The following ATP5MG variants were observed in gnomAD, a reference collection of about 807,000 sequenced individuals.
ATP5MG encodes the protein ATP synthase F(0) complex subunit g, mitochondrial.
ATP5MG carries 7 observed loss-of-function variants against 12.7 expected under a neutral mutation model. The observed-to-expected ratio is 0.55, with a 90% CI of 0.31 to 1.04. The LOEUF (loss-of-function observed/expected upper bound fraction) is 1.04, where lower values mean the gene tolerates loss of function less well. ATP5MG is among the 50% of genes least tolerant of loss of function. The pLI is 0.05. For synonymous variants in ATP5MG, 53 were observed against 48.2 expected (o/e 1.10, Z -0.41); for missense variants, 116 against 126.7 (o/e 0.92, Z 0.41).
At chr11:118,407,246 TTAC>T (rs1210989606) in intron 2 of ATP5MG, 149 bp downstream of exon 2, 2 of 1,183,980 alleles carry the variant, frequency 1.7e-6, no homozygotes, top group South Asian at 3.3e-5. Flanking sequence ...AGGAAGATAC[TTAC>T]TTTTCTAATT....
Position 118,409,293 on chromosome 11 carries a change from G to A in ATP5MG, c.*195G>A, listed in dbSNP as rs1555132697. The A allele has an allele frequency of 3.3e-6, 1 of 303,584 alleles. No homozygotes were observed. Among genetic ancestry groups the A allele is most frequent in the Non-Finnish European group, 6.1e-6 (1 of 164,176 alleles). 18.8% of individuals were successfully genotyped at this position (303,584 alleles called of 1,614,324 possible). On this transcript the variant is annotated 3_prime_UTR_variant, in exon 3 of 3. Coordinates refer to ENST00000300688, the MANE Select transcript of ATP5MG (RefSeq NM_006476.5). Reference sequence around the variant, plus strand: ...TTTAAACAACCCTAAATACACGTCTGTTTAGCCCGCAATTGGAAAGGATAT... The same window carrying A: ...TTTAAACAACCCTAAATACACGTCTATTTAGCCCGCAATTGGAAAGGATAT...
At chr11:118,407,201 A>AC in intron 2 of ATP5MG, 104 bp downstream of exon 2, 1 of 1,486,850 alleles carries the variant, frequency 6.7e-7, no homozygotes, top group African/African-American at 1.4e-5. Context: ...ATGAGGCTGA[A>AC]TCCAGCATAA....
intron 1 of ATP5MG, among the ~76,000 whole-genome samples, chr11:118,405,204 G>A (rs1247597132): frequency 6.6e-6 from 1 of 152,056 alleles, no homozygotes; most frequent in African/African-American, 2.4e-5. Flanking sequence ...CATTTGACAG[G>A]AATATAGATA....
chr11:118,406,877 T>C, intron 1 of ATP5MG, 60 bp from the exon 2 acceptor site: 1 of 1,542,044 alleles, frequency 6.5e-7, no homozygotes, highest in Non-Finnish European at 8.7e-7. Context: ...ACACATCTGC[T>C]TCTTTCGGTC....
intron 1 of ATP5MG, among the ~76,000 whole-genome samples, chr11:118,402,823 C>T (rs1487834897): frequency 1.3e-5 from 2 of 151,794 alleles, no homozygotes; most frequent in Non-Finnish European, 2.9e-5. Context: ...CCTCAGCCTC[C>T]TGAGTAGCTG....
Position 118,406,983 on chromosome 11 carries a change from C to A in ATP5MG, c.99C>A (p.Tyr33Ter), listed in dbSNP as rs782767043. ...SKPRLATFWY[Y>*]AKVELVPPTP... ...CTCGATTGGCCACATTTTGGTACTACGCCAAGGTTGAGCTGGTTCCTCCCA... is the reference window on the plus strand; with the variant it reads ...CTCGATTGGCCACATTTTGGTACTAAGCCAAGGTTGAGCTGGTTCCTCCCA... Residue 33 changes from tyrosine (Y) to a stop codon, truncating the protein, a stop_gained, in exon 2 of 3, where the codon TAC becomes TAA. Coordinates refer to ENST00000300688, the MANE Select transcript of ATP5MG (RefSeq NM_006476.5). LOFTEE classifies it high-confidence loss of function. The A allele has an allele frequency of 2.5e-6, 4 of 1,613,720 alleles. No homozygotes were observed. Among genetic ancestry groups the A allele is most frequent in the African/African-American group, 1.3e-5 (1 of 75,004 alleles).
In ATP5MG at chr11:118,407,039, G is replaced by A. The variant is rs1252774136; in HGVS notation, c.155G>A (p.Ser52Asn). The change falls in exon 2 of 3, where the codon AGC becomes AAC. Residue 52 changes from serine (S) to asparagine (N), a missense_variant. Ser to Asn is a conservative substitution (Grantham distance 46). Transcript: ENST00000300688. The stretch of plus-strand genomic sequence containing the variant: ...GCTGAGATCCCTAGAGCTATTCAGA[G>A]CCTGAAAAAAATAGTCAATAGTGCT... ...TPAEIPRAIQSLKKIVNSAQT... is the reference protein window; with the variant it reads ...TPAEIPRAIQNLKKIVNSAQT... 2.5e-6 allele frequency: 4 copies of A among 1,614,036 alleles called. No homozygotes were observed. Among genetic ancestry groups the A allele is most frequent in the Non-Finnish European group, 3.4e-6 (4 of 1,179,968 alleles).
chr11:118,407,323 A>G (rs1948981469), intron 2 of ATP5MG: 2 of 615,618 alleles, frequency 3.2e-6, no homozygotes, highest in Non-Finnish European at 5.1e-6. Context: ...TCTTAAACCT[A>G]GCAAAAAAGT....
intron 1 of ATP5MG, among the ~76,000 whole-genome samples, chr11:118,402,696 CTTTTTTT>C (rs782335353): frequency 7.8e-6 from 1 of 128,220 alleles, no homozygotes; most frequent in African/African-American, 2.9e-5. Flanking sequence ...TTCTTTCTTT[CTTTTTTT>C]TTTTTTTTTT....
chr11:118,408,368 T>C (rs1555132482), intron 2 of ATP5MG, among the ~76,000 whole-genome samples: 3 of 152,138 alleles, frequency 2.0e-5, no homozygotes, highest in African/African-American at 7.2e-5. Flanking sequence ...AAAGGTCCAG[T>C]TTTGTTATGG....
In ATP5MG at chr11:118,407,005, C is replaced by T; in HGVS notation, c.121C>T (p.Pro41Ser). The T allele has an allele frequency of 1.2e-6, 2 of 1,614,110 alleles. No individual in the cohort carries two copies. Among genetic ancestry groups the T allele is most frequent in the South Asian group, 1.1e-5 (1 of 91,062 alleles). Residue 41 changes from proline to serine, a missense_variant, in exon 2 of 3, where the codon CCC (proline) becomes TCC (serine). Pro to Ser is a moderately conservative substitution (Grantham distance 74, BLOSUM62 -1). Transcript: ENST00000300688. Reference sequence around the variant, plus strand: ...CTACGCCAAGGTTGAGCTGGTTCCTCCCACCCCTGCTGAGATCCCTAGAGC... The same window carrying T: ...CTACGCCAAGGTTGAGCTGGTTCCTTCCACCCCTGCTGAGATCCCTAGAGC... The part of the protein sequence containing the change: ...WYYAKVELVP[P>S]TPAEIPRAIQ...
intron 1 of ATP5MG, among the ~76,000 whole-genome samples, chr11:118,404,964 A>G (rs1429228496): frequency 3.3e-5 from 5 of 152,178 alleles, no homozygotes; most frequent in African/African-American, 4.8e-5. Flanking sequence ...AGCCTTGGCT[A>G]TTTGGGAGCT....
chr11:118,402,248 A>G (rs12420093), intron 1 of ATP5MG, among the ~76,000 whole-genome samples: 6,165 of 152,228 alleles, frequency 0.04, 251 homozygotes, highest in Admixed American at 0.12. Context: ...AATCCGAGGG[A>G]AATTTTAGGT....
chr11:118,404,406 G>C (rs74436855), intron 1 of ATP5MG, among the ~76,000 whole-genome samples: 6 of 151,990 alleles, frequency 3.9e-5, no homozygotes, highest in African/African-American at 1.2e-4. Flanking sequence ...AATCTCCTCT[G>C]GTCTGGGACA....
chr11:118,402,220 C>G (rs535042117), intron 1 of ATP5MG, among the ~76,000 whole-genome samples: 2 of 152,230 alleles, frequency 1.3e-5, no homozygotes, highest in South Asian at 4.2e-4. Flanking sequence ...TAGACGGATT[C>G]TAAGATACTT....
chr11:118,406,703 T>C, intron 1 of ATP5MG: 2 of 548,736 alleles, frequency 3.6e-6, no homozygotes, highest in South Asian at 4.1e-5. Context: ...TAATTGAATG[T>C]GCTTATAGCA....
At chr11:118,405,101 A>G (rs1948961603) in intron 1 of ATP5MG, among the ~76,000 whole-genome samples, 1 of 152,214 alleles carries the variant, frequency 6.6e-6, no homozygotes, top group Non-Finnish European at 1.5e-5. Context: ...AAGGAACCTT[A>G]GTTCCTTTTA....
Position 118,404,280 on chromosome 11 carries a change from A to AT in ATP5MG, c.52+2572dup, listed in dbSNP as rs1484746683. On this transcript the variant is annotated intron_variant, in intron 1 of 2. Transcript: ENST00000300688. Reference sequence around the variant, plus strand: ...TTGCCTAGGAAGATCATAGAATCTGATTTTTTTTTCCCTTAACTGTAGACT... The same window carrying AT: ...TTGCCTAGGAAGATCATAGAATCTGATTTTTTTTTTCCCTTAACTGTAGACT... Among the ~76,000 whole-genome samples, 288 of 151,536 alleles carry AT rather than the reference A, an allele frequency of 1.9e-3. 1 individual carries two copies. The highest frequency in any genetic ancestry group is 6.4e-3 in the African/African-American group (263 of 41,330).
At chr11:118,408,808 G>A (rs1232954523) in intron 2 of ATP5MG, among the ~76,000 whole-genome samples, 192 bp from the exon 3 acceptor site, 1 of 151,894 alleles carries the variant, frequency 6.6e-6, no homozygotes, top group Admixed American at 6.6e-5. Flanking sequence ...AAAGTTCAAG[G>A]GTTCTCAGCA....
Sources: allele counts gnomAD v4.1 joint callset (sites outside exome capture counted in the v4.1 genomes callset), GRCh38; gene constraint gnomAD v4.1.1; transcripts MANE v1.5; gene names NCBI Gene and HGNC (gene_info 2026-07-23, HGNC 2026-07-21).